Variants in NMUR2 observed in about 807,000 individuals in gnomAD.
NMUR2 encodes the protein neuromedin-U receptor 2.
A neutral mutation model predicts 25.1 loss-of-function variants in NMUR2; 24 were observed. That is an observed-to-expected ratio of 0.96 (90% CI 0.69 to 1.34). The LOEUF is 1.34. Among genes scored for constraint, NMUR2 ranks in the 40% most tolerant of loss-of-function variants. The probability of loss-of-function intolerance (pLI) is 0.00; values close to 1 mark genes in which losing one functional copy is unlikely to be tolerated. For synonymous variants in NMUR2, 218 were observed against 208.1 expected, an observed-to-expected ratio of 1.05 and a Z score of -0.41; for missense variants, 533 against 512.8, an observed-to-expected ratio of 1.04 and a Z score of -0.38.
chr5:152,393,065 C>T (rs1753091029), intron 3 of NMUR2, among the ~76,000 whole-genome samples: 1 of 152,176 alleles, frequency 6.6e-6, no homozygotes. Context: ...ATTTCCTCTA[C>T]CAATTAACCT....
At chr5:152,393,201 C>T (rs1314242502) in intron 3 of NMUR2, among the ~76,000 whole-genome samples, 1 of 152,184 alleles carries the variant, frequency 6.6e-6, no homozygotes, top group East Asian at 1.9e-4. Flanking sequence ...TCTTGGCCCT[C>T]TAATATCCTG....
chr5:152,393,980 G>T (rs1454993026), intron 3 of NMUR2, among the ~76,000 whole-genome samples: 1 of 151,952 alleles, frequency 6.6e-6, no homozygotes, highest in African/African-American at 2.4e-5. Flanking sequence ...GGATTAAAAG[G>T]CAAGTTGGGG....
intron 1 of NMUR2, among the ~76,000 whole-genome samples, chr5:152,403,753 G>A (rs571853334): frequency 7.1e-6 from 1 of 140,256 alleles, no homozygotes; most frequent in East Asian, 2.1e-4. Context: ...TATTATATAT[G>A]TAACTATACA....
At chr5:152,398,004 G>T (rs1008262613) in intron 2 of NMUR2, 56 bp downstream of exon 2, 29 of 1,254,988 alleles carry the variant, frequency 2.3e-5, no homozygotes, top group Admixed American at 5.2e-5. Context: ...GGTACCAAAT[G>T]TACCTCCTTT....
intron 2 of NMUR2, among the ~76,000 whole-genome samples, chr5:152,397,012 G>GTTTTTTTTTTTTTTTTTTTTTTTTTT (rs769998163): frequency 1.3e-4 from 14 of 105,702 alleles, no homozygotes; most frequent in South Asian, 3.6e-4. Context: ...TGAGCTTCAT[G>GTTTTTTTTTTTTTTTTTTTTTTTTTT]TTTTTTTTTT....
chr5:152,400,164 C>G (rs1753229522), intron 1 of NMUR2, among the ~76,000 whole-genome samples: 1 of 152,106 alleles, frequency 6.6e-6, no homozygotes, highest in Middle Eastern at 3.2e-3. Flanking sequence ...CTCAAGAATC[C>G]TCTTGGATAA....
In NMUR2 at chr5:152,404,485, A is replaced by T; in HGVS notation, c.629T>A (p.Met210Lys). ...GSATCTVIKP[M>K]WIYNFIIQVT... ...CTGGATGATGAAATTGTAGATCCACATGGGCTTGATGACCGTACAGGTGGC... is the reference window on the plus strand; with the variant it reads ...CTGGATGATGAAATTGTAGATCCACTTGGGCTTGATGACCGTACAGGTGGC... Residue 210 changes from methionine to lysine, a missense_variant, in exon 1 of 4, where the codon ATG (methionine) becomes AAG (lysine). Transcript: ENST00000255262. 1 of 1,614,118 alleles carries T rather than the reference A, an allele frequency of 6.2e-7. No individual in the cohort carries two copies. Among genetic ancestry groups the T allele is most frequent in the Non-Finnish European group, 8.5e-7 (1 of 1,180,022 alleles).
chr5:152,400,620 C>T (rs556619554), intron 1 of NMUR2, among the ~76,000 whole-genome samples: 79 of 152,232 alleles, frequency 5.2e-4, no homozygotes, highest in Non-Finnish European at 9.3e-4. Flanking sequence ...AAGGTTAGAG[C>T]AATGTATCAA....
At chr5:152,404,177 C>T (rs1278613915) in intron 1 of NMUR2, among the ~76,000 whole-genome samples, 2 of 152,126 alleles carry the variant, frequency 1.3e-5, no homozygotes, top group African/African-American at 2.4e-5. Flanking sequence ...AAATAGAAGA[C>T]GAGCTAAAGG....
intron 3 of NMUR2, among the ~76,000 whole-genome samples, chr5:152,393,860 T>C (rs17545332): frequency 0.14 from 21,984 of 152,030 alleles, 2,078 homozygotes; most frequent in Admixed American, 0.24. Flanking sequence ...ATAGCACGCA[T>C]AAGTATTCAG....
Position 152,392,192 on chromosome 5 carries a change from C to A in NMUR2, c.1247G>T (p.Ter416LeuextTer26). ...NYQSFHFNKT* is the reference protein window; with the variant it reads ...NYQSFHFNKTL ...GAGGAGAGTCAGCTCTGAAAGAATT[C>A]AGGTTTTGTTAAAGTGGAAGCTTTG... Residue 416 changes from the stop codon to leucine, a stop_lost, in exon 4 of 4, where the codon TGA (stop) becomes TTA (leucine). Coordinates refer to ENST00000255262, the MANE Select transcript of NMUR2 (RefSeq NM_020167.5). The A allele has an allele frequency of 5.0e-6, 8 of 1,607,862 alleles. No individual in the cohort carries two copies. The highest frequency in any genetic ancestry group is 6.8e-6 in the Non-Finnish European group (8 of 1,175,964).
rs141851032 is a variant in NMUR2, at chr5:152,398,135, C to G, written c.736G>C (p.Asp246His). The part of the protein sequence containing the change: ...YYLMALRLKK[D>H]KSLEADEGNA... ...CCTTCATCTGCCTCAAGAGATTTGT[C>G]TTTCTTTAGCTGAAAGGGAAGTAAG... Residue 246 changes from aspartate to histidine, a missense_variant, in exon 2 of 4, where the codon GAC becomes CAC. Transcript: ENST00000255262. 1.5e-4 allele frequency: 246 copies of G among 1,611,534 alleles called. 1 individual carries two copies. In the African/African-American group the frequency reaches 2.6e-3, roughly 17 times the overall value.
At chr5:152,400,623 T>A (rs10515665) in intron 1 of NMUR2, among the ~76,000 whole-genome samples, 22,246 of 152,152 alleles carry the variant, frequency 0.15, 2,089 homozygotes, top group Admixed American at 0.24. Context: ...GTTAGAGCAA[T>A]GTATCAAACT....
Position 152,398,891 on chromosome 5 carries a change from T to C in NMUR2, c.727-747A>G, listed in dbSNP as rs371828224. The stretch of plus-strand genomic sequence containing the variant: ...TTTCTGAGTTAAGATGTTTAAAGTA[T>C]ATTCATCCTTGTTGGACGATATGGA... On this transcript the variant is annotated intron_variant, in intron 1 of 3. Coordinates refer to ENST00000255262, the MANE Select transcript of NMUR2 (RefSeq NM_020167.5). Among the ~76,000 whole-genome samples, 100 of 152,310 alleles carry C rather than the reference T, an allele frequency of 6.6e-4. 1 individual carries two copies. The highest frequency in any genetic ancestry group is 2.4e-3 in the African/African-American group (98 of 41,580).
intron 1 of NMUR2, among the ~76,000 whole-genome samples, chr5:152,398,395 T>G (rs1753199318): frequency 6.6e-6 from 1 of 152,192 alleles, no homozygotes; most frequent in South Asian, 2.1e-4. Flanking sequence ...ATGTGGAAAC[T>G]TGGCTGTGTA....
chr5:152,402,201 C>T lies in NMUR2; in HGVS notation c.726+2187G>A, dbSNP rs577735557. ...ATCTGGGAGAGCTTCCCTGAGGAAG[C>T]GTGTTGAAGTATGACACAGAGAATA... On this transcript the variant is annotated intron_variant, in intron 1 of 3. Coordinates refer to ENST00000255262, the MANE Select transcript of NMUR2 (RefSeq NM_020167.5). Among the ~76,000 whole-genome samples the T allele has an allele frequency of 1.1e-3, 164 of 151,992 alleles. 1 individual carries two copies. Among genetic ancestry groups the T allele is most frequent in the African/African-American group, 3.7e-3 (154 of 41,450 alleles).
chr5:152,398,106 A>G lies in NMUR2; in HGVS notation c.765T>C (p.Asn255=), dbSNP rs1753193114. 1 of 1,613,496 alleles carries G rather than the reference A, an allele frequency of 6.2e-7. No homozygotes were observed. The highest frequency in any genetic ancestry group is 1.1e-5 in the South Asian group (1 of 90,996). The change falls in exon 2 of 4, where the codon AAT becomes AAC. Residue 255 remains asparagine (N), a synonymous_variant. Transcript: ENST00000255262. ...KDKSLEADEG[N]ANIQRPCRKS... is the part of the protein sequence containing the mutation. ...TTCTGCAGGGTCTTTGAATATTTGC[A>G]TTCCCTTCATCTGCCTCAAGAGATT...
intron 3 of NMUR2, among the ~76,000 whole-genome samples, 162 bp downstream of exon 3, chr5:152,395,297 T>C (rs1753129550): frequency 6.6e-6 from 1 of 152,144 alleles, no homozygotes; most frequent in South Asian, 2.1e-4. Flanking sequence ...TGGAACAGTA[T>C]CAAACATAAT....
intron 1 of NMUR2, among the ~76,000 whole-genome samples, chr5:152,401,554 G>A (rs1396431925): frequency 1.3e-5 from 2 of 152,078 alleles, no homozygotes. Context: ...AAAAAAATTA[G>A]TGCAACCCTG....
Sources: gnomAD v4.1 joint callset for allele counts (sites outside exome capture counted in the v4.1 genomes callset) on GRCh38, gnomAD v4.1.1 for gene constraint, MANE v1.5 for transcripts, NCBI Gene and HGNC (gene_info 2026-07-23, HGNC 2026-07-21) for gene names.